LRP1B: variants seen among roughly 807,000 people sequenced by gnomAD.
The protein encoded by LRP1B is LDL receptor related protein 1B, also known as low-density lipoprotein receptor-related protein 1B.
A neutral mutation model predicts 556.6 loss-of-function variants in LRP1B; 217 were observed. That is an observed-to-expected ratio of 0.39 (90% CI 0.35 to 0.44). LRP1B has a LOEUF of 0.44. LRP1B is among the 20% of genes least tolerant of loss of function. The probability of loss-of-function intolerance (pLI) is 1.00; values close to 1 mark genes in which losing one functional copy is unlikely to be tolerated. For synonymous variants in LRP1B, 2,047 were observed against 1,865.8 expected (o/e 1.10, Z -2.50); for missense variants, 5,053 against 5,620.8 (o/e 0.90, Z 3.23).
chr2:141,151,238 G>T (rs1019327067), intron 7 of LRP1B, among the ~76,000 whole-genome samples: 1 of 152,122 alleles, frequency 6.6e-6, no homozygotes, highest in Admixed American at 6.6e-5. Context: ...TTCAATGCAT[G>T]CTTTCATGAT....
chr2:141,612,429 A>T (rs1688137919), intron 2 of LRP1B, among the ~76,000 whole-genome samples: 1 of 152,202 alleles, frequency 6.6e-6, no homozygotes, highest in Non-Finnish European at 1.5e-5. Flanking sequence ...TCTTTTAAAA[A>T]TTAAACTACA....
At chr2:141,093,094 T>G (rs1170233100) in intron 7 of LRP1B, among the ~76,000 whole-genome samples, 1 of 151,250 alleles carries the variant, frequency 6.6e-6, no homozygotes, top group Non-Finnish European at 1.5e-5. Flanking sequence ...GGCACGATAG[T>G]CATCTATGGG....
chr2:140,541,953 G>A lies in LRP1B; in HGVS notation c.7213C>T (p.Pro2405Ser), dbSNP rs1448333499. The change falls in exon 44 of 91, where the codon CCA becomes TCA. Residue 2405 changes from proline to serine, a missense_variant. By Grantham distance (74) the Pro-to-Ser change is moderately conservative (BLOSUM62 -1). This residue lies in a region of LRP1B where 3,619 missense variants were observed against 3,931.9 expected (regional missense o/e 0.92). Coordinates refer to ENST00000389484, the MANE Select transcript of LRP1B (RefSeq NM_018557.3). ...ACAGCCAAACTGAGGAAAGTCCCTG[G>A]CCCAGATTTAACTATCACCTGAAAT... ...SQRHVIVKSG[P>S]GTFLSLAVYD... 6 of 1,602,868 alleles carry A rather than the reference G, an allele frequency of 3.7e-6. No individual in the cohort carries two copies. The South Asian group carries it at 6.7e-5, about 18-fold the overall frequency.
intron 1 of LRP1B, among the ~76,000 whole-genome samples, chr2:141,903,946 A>T (rs974561095): frequency 6.6e-6 from 1 of 151,926 alleles, no homozygotes; most frequent in African/African-American, 2.4e-5. Context: ...CATCTGGGGA[A>T]TGAACATCAT....
At chr2:141,673,948 C>T (rs928260699) in intron 2 of LRP1B, among the ~76,000 whole-genome samples, 1 of 151,862 alleles carries the variant, frequency 6.6e-6, no homozygotes, top group South Asian at 2.1e-4. Flanking sequence ...CCCTTAATCC[C>T]TCCTCTAACT....
intron 1 of LRP1B, among the ~76,000 whole-genome samples, chr2:141,995,163 C>T (rs1171138934): frequency 1.3e-5 from 2 of 152,040 alleles, no homozygotes; most frequent in African/African-American, 4.8e-5. Flanking sequence ...ATTCAAGCAA[C>T]ACGAATTTAT....
intron 3 of LRP1B, among the ~76,000 whole-genome samples, chr2:141,301,218 C>A (rs1490021356): frequency 6.6e-6 from 1 of 152,078 alleles, no homozygotes; most frequent in Non-Finnish European, 1.5e-5. Flanking sequence ...GAAATTCTAA[C>A]ATTACTCCAT....
intron 87 of LRP1B, among the ~76,000 whole-genome samples, chr2:140,241,718 A>C (rs1400899771): frequency 6.6e-6 from 1 of 150,844 alleles, no homozygotes; most frequent in Non-Finnish European, 1.5e-5. Flanking sequence ...AGTTTTTTTA[A>C]AATTTTATAA....
At chr2:141,019,901 A>G (rs1310768944) in intron 12 of LRP1B, 21 bp downstream of exon 12, 1 of 1,494,330 alleles carries the variant, frequency 6.7e-7, no homozygotes, top group South Asian at 1.3e-5. Flanking sequence ...TCTTATATAA[A>G]GCTAGTCAAA....
chr2:141,957,392 G>A (rs1230615561), intron 1 of LRP1B, among the ~76,000 whole-genome samples: 6 of 123,582 alleles, frequency 4.9e-5, no homozygotes, highest in South Asian at 3.3e-4. Context: ...GTGGGGGGGG[G>A]GGGGCGGGGG....
chr2:141,538,958 G>A (rs1685155766), intron 2 of LRP1B, among the ~76,000 whole-genome samples: 2 of 152,136 alleles, frequency 1.3e-5, no homozygotes, highest in African/African-American at 4.8e-5. Flanking sequence ...ATTTTATGGG[G>A]ACAATTGCTC....
At chr2:141,893,539 T>A (rs963356882) in intron 1 of LRP1B, among the ~76,000 whole-genome samples, 2 of 152,150 alleles carry the variant, frequency 1.3e-5, no homozygotes, top group Non-Finnish European at 2.9e-5. Flanking sequence ...GTAGACCAAA[T>A]TTTTTTGAAA....
chr2:140,707,135 C>T (rs149502532), intron 37 of LRP1B, among the ~76,000 whole-genome samples: 20 of 152,146 alleles, frequency 1.3e-4, no homozygotes, highest in Admixed American at 1.0e-3. Context: ...CCCTAGAGCT[C>T]GAATTTGAGT....
intron 2 of LRP1B, among the ~76,000 whole-genome samples, chr2:141,579,724 C>CTTTTTTTTTTTT (rs33913417): frequency 0.023 from 2,284 of 100,734 alleles, 337 homozygotes; most frequent in African/African-American, 0.053. Context: ...TCAGGTTTCA[C>CTTTTTTTTTTTT]TTTTTTTTTT....
intron 33 of LRP1B, among the ~76,000 whole-genome samples, chr2:140,772,315 A>ATG (rs1477472388): frequency 6.6e-6 from 1 of 151,120 alleles, no homozygotes; most frequent in Non-Finnish European, 1.5e-5. Context: ...ATGTATGTAT[A>ATG]TATATATTAT....
chr2:141,696,264 G>T (rs752021969), intron 2 of LRP1B, among the ~76,000 whole-genome samples: 1 of 151,826 alleles, frequency 6.6e-6, no homozygotes, highest in Non-Finnish European at 1.5e-5. Context: ...CAAACATAGG[G>T]TGCTTATTTT....
chr2:140,647,602 T>G (rs1348350254), intron 41 of LRP1B, among the ~76,000 whole-genome samples: 2 of 152,198 alleles, frequency 1.3e-5, no homozygotes, highest in African/African-American at 2.4e-5. Context: ...ACAAGTCAGA[T>G]GTGGTTCCTG....
chr2:140,688,129 A>C (rs755260952), intron 41 of LRP1B, among the ~76,000 whole-genome samples: 5 of 152,070 alleles, frequency 3.3e-5, no homozygotes, highest in Admixed American at 1.3e-4. Context: ...AACTATAAAA[A>C]AAAAATCAGC....
At chr2:140,530,284 C>T (rs144940776) in intron 47 of LRP1B, among the ~76,000 whole-genome samples, 18 of 152,074 alleles carry the variant, frequency 1.2e-4, no homozygotes, top group African/African-American at 4.1e-4. Context: ...AAAAGCACTG[C>T]ATCTCTTCAT....
Sources: allele counts gnomAD v4.1 joint callset (sites outside exome capture counted in the v4.1 genomes callset), GRCh38; gene constraint gnomAD v4.1.1; regional missense constraint gnomAD v4.1.1; transcripts MANE v1.5; gene names NCBI Gene and HGNC (gene_info 2026-07-23, HGNC 2026-07-21).